The following GNAS variants were observed in gnomAD, a reference collection of about 807,000 sequenced individuals.
GNAS encodes the protein protein ALEX.
GNAS carries 8 observed loss-of-function variants against 54.5 expected under a neutral mutation model. The ratio of observed to expected loss-of-function variants is 0.15; its 90% CI spans 0.09 to 0.26. GNAS has a LOEUF of 0.26. Among genes scored for constraint, GNAS ranks in the 10% least tolerant of loss-of-function variants. The pLI, the probability that GNAS is intolerant of heterozygous loss-of-function variation, is 1.00. For synonymous variants in GNAS, 204 were observed against 191.4 expected, an observed-to-expected ratio of 1.07 and a Z score of -0.54; for missense variants, 170 against 529.8, an observed-to-expected ratio of 0.32 and a Z score of 6.67.
intron 5 of GNAS, 137 bp from the exon 6 acceptor site, chr20:58,905,246 C>T: frequency 1.4e-6 from 1 of 692,954 alleles, no homozygotes. Flanking sequence ...AGCATTAATT[C>T]ATTAATTGGG....
chr20:58,903,766 A>G lies in GNAS; in HGVS notation c.407A>G (p.Asn136Ser). ...FRVDYILSVM[N>S]VPDFDFPPEF... ...GTGGACTACATCCTGAGTGTGATGA[A>G]CGTGCCTGACTTTGACTTCCCTCCC... Residue 136 changes from asparagine (N) to serine (S), a missense_variant, in exon 5 of 13, where the codon AAC becomes AGC. Asn to Ser is a conservative substitution (Grantham distance 46). Coordinates refer to ENST00000371085, the MANE Select transcript of GNAS (RefSeq NM_000516.7). 1 of 1,613,824 alleles carries G rather than the reference A, an allele frequency of 6.2e-7. No homozygotes were observed. Among genetic ancestry groups the G allele is most frequent in the Non-Finnish European group, 8.5e-7 (1 of 1,179,908 alleles).
upstream of GNAS, chr20:58,840,572 G>A (rs776413759): frequency 8.1e-6 from 13 of 1,612,490 alleles, no homozygotes; most frequent in African/African-American, 4.0e-5. The surrounding 1 kb of genome is among the most constrained non-coding windows in gnomAD (Gnocchi z 6.0). Context: ...CTCCACCTTC[G>A]GCCAGTCCCT....
In GNAS at chr20:58,856,944, A is replaced by G. The variant is rs2086545456; in HGVS notation, c.43+16058A>G. On this transcript the variant is annotated intron_variant, in intron 1 of 12. Transcript: ENST00000306090. The surrounding 1 kb of genome is among the most constrained non-coding windows in gnomAD (Gnocchi z 4.2). ...CCCACCCTCCCCCCAGCCCCCCAAGACTTCTTAACTTCAAATCTGGGGCAT... is the reference window on the plus strand; with the variant it reads ...CCCACCCTCCCCCCAGCCCCCCAAGGCTTCTTAACTTCAAATCTGGGGCAT... 1 of 147,756 alleles carries G rather than the reference A, an allele frequency of 6.8e-6. No homozygotes were observed. Among genetic ancestry groups the G allele is most frequent in the African/African-American group, 2.5e-5 (1 of 39,992 alleles). 9.2% of individuals were successfully genotyped at this position (147,756 alleles called of 1,614,324 possible). A position where few individuals can be genotyped will look rare whatever the true frequency, so the allele number is the denominator to read the frequency against.
At chr20:58,845,700 T>C (rs1432028181) in intron 1 of GNAS, among the ~76,000 whole-genome samples, 1 of 152,202 alleles carries the variant, frequency 6.6e-6, no homozygotes, top group Non-Finnish European at 1.5e-5. Flanking sequence ...CTCATGAGTT[T>C]TTTCAAACGC....
chr20:58,848,774 T>G (rs2086041012), intron 1 of GNAS: 1 of 396,900 alleles, frequency 2.5e-6, no homozygotes, highest in African/African-American at 2.1e-5. Flanking sequence ...CTCAGGTCCC[T>G]GTGGCCTTGC....
chr20:58,848,663 C>T (rs2086034984), intron 1 of GNAS, among the ~76,000 whole-genome samples: 1 of 152,150 alleles, frequency 6.6e-6, no homozygotes, highest in East Asian at 1.9e-4. Context: ...AATTATCAGC[C>T]TTCAGGAGGA....
chr20:58,854,053 C>G, intron 1 of GNAS: 1 of 1,610,676 alleles, frequency 6.2e-7, no homozygotes. Context: ...GCCTCGAGTG[C>G]GGTCCGCCTC....
chr20:58,881,718 A>AC (rs1185996381), intron 1 of GNAS: 25 of 152,158 alleles, frequency 1.6e-4, no homozygotes, highest in Admixed American at 1.5e-3. Context: ...GGGCTCCCAT[A>AC]CCCGGGGGTA....
chr20:58,890,658 C>T (rs1478675073), upstream of GNAS: 2 of 152,062 alleles, frequency 1.3e-5, no homozygotes, highest in Non-Finnish European at 2.9e-5. Flanking sequence ...GCGCAGAGGC[C>T]GCGGGCGCTC....
Position 58,841,904 on chromosome 20 carries a change from A to T in GNAS, c.43+1018A>T. 2 of 1,229,392 alleles carry T rather than the reference A, an allele frequency of 1.6e-6. No homozygotes were observed. The highest frequency in any genetic ancestry group is 4.1e-5 in the South Asian group (1 of 24,188). 76.2% of individuals were successfully genotyped at this position (1,229,392 alleles called of 1,614,324 possible). Reference sequence around the variant, plus strand: ...AAGCGGAACAAGGGACAGGCTGGAGACGGGGGTCGCGTCTAACATCAGGAT... The same window carrying T: ...AAGCGGAACAAGGGACAGGCTGGAGTCGGGGGTCGCGTCTAACATCAGGAT... On this transcript the variant is annotated intron_variant, in intron 1 of 12. Transcript: ENST00000306090. This position sits in a 1 kb window ranked among gnomAD's most constrained non-coding sequence, Gnocchi z 5.0.
At chr20:58,847,276 C>T (rs536206821) in intron 1 of GNAS, among the ~76,000 whole-genome samples, 5 of 151,434 alleles carry the variant, frequency 3.3e-5, no homozygotes, top group Non-Finnish European at 7.4e-5. Context: ...CTGCCTCTAA[C>T]CTGGTATCTT....
At chr20:58,854,815 C>T (rs1438017622) in intron 1 of GNAS, 1 of 1,589,558 alleles carries the variant, frequency 6.3e-7, no homozygotes, top group Non-Finnish European at 8.5e-7. Flanking sequence ...GCCTCTGCAG[C>T]CCCTGCCTCC....
chr20:58,842,422 A>T (rs907595355), intron 1 of GNAS: 6 of 398,498 alleles, frequency 1.5e-5, no homozygotes, highest in East Asian at 1.1e-4. Context: ...ATGATGATAG[A>T]AGGAAAATAC....
chr20:58,860,525 T>A (rs1401607886), intron 1 of GNAS, among the ~76,000 whole-genome samples: 1 of 152,180 alleles, frequency 6.6e-6, no homozygotes, highest in Non-Finnish European at 1.5e-5. Context: ...CTTATCAAAA[T>A]AACTCTGCTC....
chr20:58,893,246 T>A lies in GNAS; in HGVS notation c.139+1381T>A, dbSNP rs184918894. On this transcript the variant is annotated intron_variant, in intron 1 of 12. Transcript: ENST00000371085. Reference sequence around the variant, plus strand: ...TTTTGATTGCGATTTTTCCTCTGATTAAAAAAATAATAATAAAATAAAAAA... The same window carrying A: ...TTTTGATTGCGATTTTTCCTCTGATAAAAAAAATAATAATAAAATAAAAAA... 7.7e-3 allele frequency among the ~76,000 whole-genome samples: 1,114 copies of A among 144,252 alleles called. 7 individuals are homozygous for A. Among genetic ancestry groups the A allele is most frequent in the Non-Finnish European group, 0.013 (849 of 67,102 alleles). 94.6% of individuals were successfully genotyped at this position (144,252 alleles called of 152,430 possible).
intron 2 of GNAS, chr20:58,898,651 CA>C (rs1282762466): frequency 1.8e-6 from 1 of 550,094 alleles, no homozygotes; most frequent in Non-Finnish European, 3.3e-6. Context: ...TTAGTGAAAG[CA>C]CAAGAAAACA....
intron 1 of GNAS, among the ~76,000 whole-genome samples, chr20:58,861,749 A>C (rs2145629643): frequency 6.6e-6 from 1 of 152,338 alleles, no homozygotes; most frequent in South Asian, 2.1e-4. Context: ...CTTGTTGCGC[A>C]GGCTGGAGTG....
intron 1 of GNAS, among the ~76,000 whole-genome samples, chr20:58,883,380 T>C (rs2088377177): frequency 6.6e-6 from 1 of 152,140 alleles, no homozygotes; most frequent in Admixed American, 6.5e-5. Context: ...AACAGGAATG[T>C]TCAAGAAAGC....
intron 1 of GNAS, among the ~76,000 whole-genome samples, chr20:58,864,462 T>C (rs919053791): frequency 2.6e-5 from 4 of 152,158 alleles, no homozygotes; most frequent in Non-Finnish European, 5.9e-5. Flanking sequence ...AATTAAATCA[T>C]TGACGTCATT....
Sources: allele counts gnomAD v4.1 joint callset (sites outside exome capture counted in the v4.1 genomes callset), GRCh38; gene constraint gnomAD v4.1.1; non-coding constraint Gnocchi (gnomAD v3.1); transcripts MANE v1.5; gene names NCBI Gene and HGNC (gene_info 2026-07-23, HGNC 2026-07-21).